RHPN1: variants seen among roughly 807,000 people sequenced by gnomAD.
RHPN1 encodes the protein rhophilin-1.
RHPN1 carries 77 observed loss-of-function variants against 74.7 expected under a neutral mutation model. The observed-to-expected ratio is 1.03, with a 90% CI of 0.86 to 1.25. The LOEUF (loss-of-function observed/expected upper bound fraction) is 1.25, where lower values mean the gene tolerates loss of function less well. Among genes scored for constraint, RHPN1 ranks in the 50% most tolerant of loss-of-function variants. The pLI is 0.00. For missense variants in RHPN1, 987 were observed against 932.2 expected, an observed-to-expected ratio of 1.06 and a Z score of -0.77; for synonymous variants, 444 against 414.5, an observed-to-expected ratio of 1.07 and a Z score of -0.87.
chr8:143,380,521 C>A, intron 10 of RHPN1, 68 bp from the exon 11 acceptor site: 1 of 1,379,640 alleles, frequency 7.2e-7, no homozygotes, highest in Non-Finnish European at 9.5e-7. Flanking sequence ...GCGTTGCCCA[C>A]TCCTTCTGCC....
intron 9 of RHPN1, 28 bp from the exon 10 acceptor site, chr8:143,380,034 C>A: frequency 6.5e-7 from 1 of 1,547,178 alleles, no homozygotes; most frequent in Non-Finnish European, 8.7e-7. Context: ...CCCCCCCGCG[C>A]AGGGCTCACA....
Position 143,377,048 on chromosome 8 carries a change from GTGTC to G in RHPN1, c.306-328_306-325del, listed in dbSNP as rs1306621324. Reference sequence around the variant, plus strand: ...TGCGTGTATGCACGTGTGTCTGTGTGTGTCTGTGTGTGCGCGTGTGTGTGTCTGC... The same window carrying G: ...TGCGTGTATGCACGTGTGTCTGTGTGTGTGTGTGCGCGTGTGTGTGTCTGC... On this transcript the variant is annotated intron_variant, in intron 3 of 14. Coordinates refer to ENST00000289013, the MANE Select transcript of RHPN1 (RefSeq NM_052924.3). 6.3e-4 allele frequency among the ~76,000 whole-genome samples: 34 copies of G among 54,364 alleles called. No individual in the cohort carries two copies. The South Asian group carries it at 0.012, about 20-fold the overall frequency. The allele number at this position is 54,364 out of a possible 152,430, so 35.7% of individuals were successfully genotyped here.
intron 1 of RHPN1, among the ~76,000 whole-genome samples, chr8:143,375,072 C>T (rs553590498): frequency 1.3e-5 from 2 of 152,328 alleles, no homozygotes; most frequent in East Asian, 3.9e-4. Context: ...CCTTTGAGCC[C>T]ACGCCTAAAC....
chr8:143,379,287 G>A lies in RHPN1; in HGVS notation c.752-28G>A, dbSNP rs375385499. 7 of 1,549,832 alleles carry A rather than the reference G, an allele frequency of 4.5e-6. No individual in the cohort carries two copies. In the African/African-American group the frequency reaches 8.2e-5, roughly 18 times the overall value. ...CAGAGATGGGCAGGTACAGGGCCCTGCCTGTGTGAGCACCCCTCCCTCCGC... is the reference window on the plus strand; with the variant it reads ...CAGAGATGGGCAGGTACAGGGCCCTACCTGTGTGAGCACCCCTCCCTCCGC... On this transcript the variant is annotated intron_variant, in intron 7 of 14. Coordinates refer to ENST00000289013, the MANE Select transcript of RHPN1 (RefSeq NM_052924.3).
intron 8 of RHPN1, 116 bp downstream of exon 8, chr8:143,379,624 A>G: frequency 1.4e-6 from 2 of 1,449,730 alleles, no homozygotes; most frequent in South Asian, 2.8e-5. Context: ...GCCCCGAGCC[A>G]GCTGTTGTCC....
chr8:143,377,859 C>T lies in RHPN1; in HGVS notation c.381+404C>T, dbSNP rs187605697. Among the ~76,000 whole-genome samples the T allele has an allele frequency of 2.0e-3, 306 of 152,340 alleles. 2 individuals are homozygous for T. Among genetic ancestry groups the T allele is most frequent in the Non-Finnish European group, 3.4e-3 (231 of 68,008 alleles). Reference sequence around the variant, plus strand: ...GGGTCCTGGGGAGAGCTAGAACAGACTGGCACTGCCTGGCAGGGCCCCACG... The same window carrying T: ...GGGTCCTGGGGAGAGCTAGAACAGATTGGCACTGCCTGGCAGGGCCCCACG... On this transcript the variant is annotated intron_variant, in intron 4 of 14. Coordinates refer to ENST00000289013, the MANE Select transcript of RHPN1 (RefSeq NM_052924.3).
rs1487919851 is a variant in RHPN1 at position 143,375,584 on chromosome 8, G to T, written c.92G>T (p.Gly31Val). 1.2e-6 allele frequency: 2 copies of T among 1,605,088 alleles called. No individual in the cohort carries two copies. Among genetic ancestry groups the T allele is most frequent in the Non-Finnish European group, 1.7e-6 (2 of 1,177,114 alleles). The stretch of plus-strand genomic sequence containing the variant: ...GACTCCCTGACGCAGATCCAGTGCG[G>T]CCAGCTGCAGAGCCGCAGGGCCCAG... Reference protein sequence around the residue: ...GCDSLTQIQCGQLQSRRAQIH... With the variant: ...GCDSLTQIQCVQLQSRRAQIH... The change falls in exon 2 of 15, where the codon GGC (glycine) becomes GTC (valine). Residue 31 changes from glycine to valine, a missense_variant. Transcript: ENST00000289013.
intron 1 of RHPN1, 83 bp downstream of exon 1, chr8:143,369,130 GC>G (rs914816511): frequency 3.6e-6 from 4 of 1,118,836 alleles, no homozygotes; most frequent in Admixed American, 3.4e-5. Context: ...CGTTCCGGGC[GC>G]CCCCCTCCTA....
At chr8:143,365,525 G>A (rs757854623), upstream of RHPN1, among the ~76,000 whole-genome samples, 3 of 152,180 alleles carry the variant, frequency 2.0e-5, no homozygotes, top group Admixed American at 6.5e-5. Flanking sequence ...CTGGCTTCCC[G>A]CTCACAGCCA....
intron 3 of RHPN1, among the ~76,000 whole-genome samples, chr8:143,376,954 GTC>G (rs1236930947): frequency 2.0e-5 from 3 of 150,550 alleles, no homozygotes; most frequent in South Asian, 2.1e-4. Flanking sequence ...CTGTGCGTGT[GTC>G]TGTGTGCACG....
At position 143,378,306 on chromosome 8, in the gene RHPN1, C is replaced by T. The variant is rs1330400406; in HGVS notation, c.419C>T (p.Ser140Phe). 3.2e-6 allele frequency: 5 copies of T among 1,571,122 alleles called. No individual in the cohort carries two copies. The highest frequency in any genetic ancestry group is 2.6e-6 in the Non-Finnish European group (3 of 1,158,838). ...GTGCACTTTGGAGAGGACGGCGCCT[C>T]CTACGAGGCAGAAATCAGGGAGCTG... ...ISVHFGEDGASYEAEIRELEA... is the reference protein window; with the variant it reads ...ISVHFGEDGAFYEAEIRELEA... Residue 140 changes from serine (S) to phenylalanine (F), a missense_variant, in exon 5 of 15, where the codon TCC becomes TTC. Ser to Phe is a radical substitution (Grantham distance 155, BLOSUM62 -2). Coordinates refer to ENST00000289013, the MANE Select transcript of RHPN1 (RefSeq NM_052924.3).
rs1009828802 is a variant in RHPN1, at chr8:143,375,532, T to C, written c.61-21T>C. ...CGGGCGCCACGGGGTCGGGCTGTGATCGCCTGTGGCCTCCCTGCAGGGCTG... is the reference window on the plus strand; with the variant it reads ...CGGGCGCCACGGGGTCGGGCTGTGACCGCCTGTGGCCTCCCTGCAGGGCTG... On this transcript the variant is annotated intron_variant, in intron 1 of 14. Coordinates refer to ENST00000289013, the MANE Select transcript of RHPN1 (RefSeq NM_052924.3). 3 of 1,549,610 alleles carry C rather than the reference T, an allele frequency of 1.9e-6. No individual in the cohort carries two copies. The East Asian group carries it at 7.0e-5, about 36-fold the overall frequency.
Position 143,381,575 on chromosome 8 carries a change from C to A in RHPN1, c.1492C>A (p.Pro498Thr), listed in dbSNP as rs1191079253. ...KGPDIFHRLG[P>T]LSVFSAKNRW... The stretch of plus-strand genomic sequence containing the variant: ...CTGACCTCTGAGCCCCTGCCAGGGG[C>A]CCCTGTCTGTGTTCTCAGCCAAGAA... Residue 498 changes from proline to threonine, a missense_variant, in exon 13 of 15, where the codon CCC (proline) becomes ACC (threonine). Coordinates refer to ENST00000289013, the MANE Select transcript of RHPN1 (RefSeq NM_052924.3). 6 of 1,606,688 alleles carry A rather than the reference C, an allele frequency of 3.7e-6. No individual in the cohort carries two copies. The African/African-American group carries it at 6.7e-5, about 18-fold the overall frequency.
In RHPN1 at chr8:143,369,134, C is replaced by G. The variant is rs1334623116; in HGVS notation, c.60+87C>G. 13 of 1,055,822 alleles carry G rather than the reference C, an allele frequency of 1.2e-5. No individual in the cohort carries two copies. The East Asian group carries it at 1.9e-4, about 16-fold the overall frequency. The allele number at this position is 1,055,822 out of a possible 1,614,324, so 65.4% of individuals were successfully genotyped here. A position where few individuals can be genotyped will look rare whatever the true frequency, so the allele number is the denominator to read the frequency against. On this transcript the variant is annotated intron_variant, in intron 1 of 14. Transcript: ENST00000289013. ...CCCTCGAGGCGCGTTCCGGGCGCCC[C>G]CCTCCTACGTCTCATTCGGCCCGGA...
At chr8:143,376,102 C>T (rs1818199483) in intron 2 of RHPN1, among the ~76,000 whole-genome samples, 1 of 152,224 alleles carries the variant, frequency 6.6e-6, no homozygotes, top group African/African-American at 2.4e-5. Flanking sequence ...CCCCTTAGCA[C>T]CTGCTACCTC....
chr8:143,379,878 TCCA>T lies in RHPN1; in HGVS notation c.997_999del (p.His333del). The T allele has an allele frequency of 6.2e-7, 1 of 1,610,862 alleles. No homozygotes were observed. The highest frequency in any genetic ancestry group is 8.5e-7 in the Non-Finnish European group (1 of 1,179,022). ...CACCGGACCATGGCCCAGCCACCCG[TCCA>T]CGACTACGTGCCTGTCTCCTGGACT... is the stretch of plus-strand genomic sequence containing the variant. On this transcript the variant is annotated inframe_deletion, in exon 9 of 15. Coordinates refer to ENST00000289013, the MANE Select transcript of RHPN1 (RefSeq NM_052924.3).
At chr8:143,375,407 C>G in intron 1 of RHPN1, 146 bp from the exon 2 acceptor site, 1 of 584,014 alleles carries the variant, frequency 1.7e-6, no homozygotes, top group Non-Finnish European at 3.0e-6. Context: ...TGTCCAGCCC[C>G]TCCCTGTGAG....
chr8:143,374,135 A>C, intron 1 of RHPN1: 12 of 985,412 alleles, frequency 1.2e-5, no homozygotes, highest in Non-Finnish European at 1.4e-5. Flanking sequence ...CTCTCTCCAG[A>C]TATCTAGGAG....
At position 143,378,320 on chromosome 8, in the gene RHPN1, A is replaced by G; in HGVS notation, c.433A>G (p.Ile145Val). The stretch of plus-strand genomic sequence containing the variant: ...GGACGGCGCCTCCTACGAGGCAGAA[A>G]TCAGGGAGCTGGAGGCCCTGCGGCA... Reference protein sequence around the residue: ...GEDGASYEAEIRELEALRQAM... With the variant: ...GEDGASYEAEVRELEALRQAM... The change falls in exon 5 of 15, where the codon ATC becomes GTC. Residue 145 changes from isoleucine (I) to valine (V), a missense_variant. By Grantham distance (29) the Ile-to-Val change is conservative. Coordinates refer to ENST00000289013, the MANE Select transcript of RHPN1 (RefSeq NM_052924.3). 1 of 1,564,760 alleles carries G rather than the reference A, an allele frequency of 6.4e-7. No individual in the cohort carries two copies. Among genetic ancestry groups the G allele is most frequent in the Non-Finnish European group, 8.7e-7 (1 of 1,155,400 alleles).
Sources: allele counts gnomAD v4.1 joint callset (sites outside exome capture counted in the v4.1 genomes callset), GRCh38; gene constraint gnomAD v4.1.1; transcripts MANE v1.5; gene names NCBI Gene and HGNC (gene_info 2026-07-23, HGNC 2026-07-21).